Variants in TNIP3 observed in about 807,000 individuals in gnomAD.
TNIP3 encodes the protein TNFAIP3 interacting protein 3, also known as TNFAIP3-interacting protein 3.
A neutral mutation model predicts 54.1 loss-of-function variants in TNIP3; 34 were observed. That is an observed-to-expected ratio of 0.63 (90% CI 0.48 to 0.84). TNIP3 has a LOEUF of 0.84. TNIP3 is among the 40% of genes least tolerant of loss of function. The pLI is 0.00. For synonymous variants in TNIP3, 134 were observed against 136.8 expected (o/e 0.98, Z 0.14); for missense variants, 366 against 387.6 (o/e 0.94, Z 0.47).
At position 121,188,633 on chromosome 4, in the gene TNIP3, C is replaced by A. The variant is rs548152968; in HGVS notation, c.69-5837G>T. Among the ~76,000 whole-genome samples the A allele has an allele frequency of 3.0e-4, 46 of 152,302 alleles. 1 individual carries two copies. The highest frequency in any genetic ancestry group is 1.1e-3 in the African/African-American group (46 of 41,584). ...GGATTCTAAACTTGTAGAATCCTAT[C>A]TGGTAGAGAAGATAATCCAAAATGT... is the stretch of plus-strand genomic sequence containing the variant. On this transcript the variant is annotated intron_variant, in intron 2 of 12. Coordinates refer to the TNIP3 transcript ENST00000507879.
intron 5 of TNIP3, 38 bp from the exon 6 acceptor site, chr4:121,150,257 T>C: frequency 7.9e-7 from 1 of 1,262,596 alleles, no homozygotes; most frequent in Non-Finnish European, 1.1e-6. Context: ...ATCTAAGATT[T>C]ACCACATGGA....
At chr4:121,221,798 A>G (rs1727035834) in intron 1 of TNIP3, among the ~76,000 whole-genome samples, 1 of 152,220 alleles carries the variant, frequency 6.6e-6, no homozygotes, top group Non-Finnish European at 1.5e-5. Flanking sequence ...AAGGTGTCAA[A>G]TCAGGGGACT....
chr4:121,176,037 T>C (rs1724307775), intron 3 of TNIP3, among the ~76,000 whole-genome samples: 1 of 152,246 alleles, frequency 6.6e-6, no homozygotes, highest in Non-Finnish European at 1.5e-5. Flanking sequence ...AGGAGAAATA[T>C]GTCATAAATT....
intron 2 of TNIP3, among the ~76,000 whole-genome samples, chr4:121,160,808 A>G (rs1730401971): frequency 6.6e-6 from 1 of 152,224 alleles, no homozygotes; most frequent in Non-Finnish European, 1.5e-5. Flanking sequence ...GGTAAAGGTC[A>G]TAAGGCACAA....
intron 1 of TNIP3, among the ~76,000 whole-genome samples, chr4:121,163,461 T>C (rs188469768): frequency 4.3e-4 from 65 of 152,326 alleles, no homozygotes; most frequent in African/African-American, 1.4e-3. Flanking sequence ...TTTCCTATAA[T>C]TATTCCCTAT....
rs1378936350 is a variant in TNIP3 at position 121,161,117 on chromosome 4, G to A, written c.147+19C>T. The A allele has an allele frequency of 6.5e-7, 1 of 1,542,218 alleles. No homozygotes were observed. The highest frequency in any genetic ancestry group is 8.8e-7 in the Non-Finnish European group (1 of 1,130,756). ...TTAATCCATGGCACCTGTGGCTTTA[G>A]CGAATATTTCTAAGTTACCTCTTTT... is the stretch of plus-strand genomic sequence containing the variant. On this transcript the variant is annotated intron_variant, in intron 2 of 10. Transcript: ENST00000057513.
At chr4:121,217,775 TA>T (rs1272702079), upstream of TNIP3, among the ~76,000 whole-genome samples, 1 of 152,218 alleles carries the variant, frequency 6.6e-6, no homozygotes, top group Non-Finnish European at 1.5e-5. Flanking sequence ...AAGAAATTTG[TA>T]GTAAGGTTTT....
At chr4:121,141,936 G>C (rs751000423) in intron 8 of TNIP3, 22 bp from the exon 9 acceptor site, 32 of 1,544,100 alleles carry the variant, frequency 2.1e-5, no homozygotes, top group Non-Finnish European at 2.6e-5. Flanking sequence ...AAAACTGTGG[G>C]GTCACTACCA....
chr4:121,207,875 T>C (rs1726270150), intron 2 of TNIP3, among the ~76,000 whole-genome samples: 1 of 152,188 alleles, frequency 6.6e-6, no homozygotes, highest in Non-Finnish European at 1.5e-5. Flanking sequence ...TATCTTGAAT[T>C]GTACTCCCAT....
At chr4:121,167,076 G>A (rs1730806861), upstream of TNIP3, among the ~76,000 whole-genome samples, 1 of 152,040 alleles carries the variant, frequency 6.6e-6, no homozygotes, top group Non-Finnish European at 1.5e-5. Flanking sequence ...TGGTTTTAAA[G>A]ATAGGACCAT....
intron 3 of TNIP3, among the ~76,000 whole-genome samples, chr4:121,171,796 T>C (rs1230034359): frequency 6.6e-6 from 1 of 152,166 alleles, no homozygotes; most frequent in East Asian, 1.9e-4. Context: ...AGTGATGCGA[T>C]CTTGGCTCAC....
At chr4:121,219,982 A>G (rs902326763), upstream of TNIP3, among the ~76,000 whole-genome samples, 1 of 152,170 alleles carries the variant, frequency 6.6e-6, no homozygotes, top group African/African-American at 2.4e-5. Flanking sequence ...TTTAGGATAA[A>G]ATGTCCTCAT....
chr4:121,171,468 T>G (rs985843514), intron 3 of TNIP3, among the ~76,000 whole-genome samples: 2 of 152,182 alleles, frequency 1.3e-5, no homozygotes, highest in African/African-American at 4.8e-5. Context: ...CTTTCAACTT[T>G]CCTACATGTT....
At chr4:121,175,816 C>G (rs1404573613) in intron 3 of TNIP3, among the ~76,000 whole-genome samples, 2 of 152,192 alleles carry the variant, frequency 1.3e-5, no homozygotes, top group Non-Finnish European at 2.9e-5. Flanking sequence ...AATATTTTCT[C>G]TCCTTTAATT....
At chr4:121,173,510 T>G (rs115302449) in intron 3 of TNIP3, among the ~76,000 whole-genome samples, 7 of 151,456 alleles carry the variant, frequency 4.6e-5, no homozygotes, top group African/African-American at 9.8e-5. Context: ...TGTGTTTGAG[T>G]TTTTTTTTAA....
At chr4:121,211,567 A>G (rs551821782) in intron 2 of TNIP3, among the ~76,000 whole-genome samples, 80 of 152,228 alleles carry the variant, frequency 5.3e-4, no homozygotes, top group Non-Finnish European at 9.0e-4. Context: ...GCATTTACAC[A>G]AATTCCTGTC....
At chr4:121,166,097 C>T (rs1483130233), upstream of TNIP3, among the ~76,000 whole-genome samples, 1 of 152,176 alleles carries the variant, frequency 6.6e-6, no homozygotes, top group Admixed American at 6.5e-5. Context: ...AAATACCATC[C>T]TTGGCATTGT....
chr4:121,154,524 A>C (rs1729961133), intron 5 of TNIP3, 27 bp downstream of exon 5: 3 of 1,611,110 alleles, frequency 1.9e-6, no homozygotes, highest in African/African-American at 1.3e-5. Flanking sequence ...TCTCATTTTA[A>C]TCTCCCATGC....
chr4:121,176,980 A>C (rs1411596089), intron 3 of TNIP3, among the ~76,000 whole-genome samples: 1 of 152,224 alleles, frequency 6.6e-6, no homozygotes, highest in African/African-American at 2.4e-5. Context: ...GAAGCAATGG[A>C]ATCCAAAGAC....
Sources: allele counts gnomAD v4.1 joint callset (sites outside exome capture counted in the v4.1 genomes callset), GRCh38; gene constraint gnomAD v4.1.1; transcripts MANE v1.5; gene names NCBI Gene and HGNC (gene_info 2026-07-23, HGNC 2026-07-21).